Variants in CELF4 observed in about 807,000 individuals in gnomAD.
The protein encoded by CELF4 is CUG-BP- and ETR-3-like factor 4.
Under a neutral mutation model 59.9 loss-of-function variants are expected in CELF4, and 18 were observed. The ratio of observed to expected loss-of-function variants is 0.30; its 90% CI spans 0.21 to 0.45. The LOEUF is 0.45. Among genes scored for constraint, CELF4 ranks in the 20% least tolerant of loss-of-function variants. The probability of loss-of-function intolerance (pLI) is 1.00; values close to 1 mark genes in which losing one functional copy is unlikely to be tolerated. For missense variants in CELF4, 456 were observed against 689.0 expected (o/e 0.66, Z 3.79); for synonymous variants, 261 against 267.1 (o/e 0.98, Z 0.22).
chr18:37,401,970 C>T (rs1402188626), intron 2 of CELF4, among the ~76,000 whole-genome samples: 1 of 152,214 alleles, frequency 6.6e-6, no homozygotes, highest in Non-Finnish European at 1.5e-5. Flanking sequence ...GGTTATAGCC[C>T]ACTGTCTCCT....
rs200255192 is a variant in CELF4 at position 37,516,270 on chromosome 18, CT to C, written c.287-30664del. ...TAGGCATGTGCACACACCGTTTCCTCTGCTGGGAGGCTCCTCCTCCCGTCCA... is the reference window on the plus strand; with the variant it reads ...TAGGCATGTGCACACACCGTTTCCTCGCTGGGAGGCTCCTCCTCCCGTCCA... On this transcript the variant is annotated intron_variant, in intron 1 of 12. Coordinates refer to ENST00000420428, the MANE Select transcript of CELF4 (RefSeq NM_020180.4). 9.2e-5 allele frequency among the ~76,000 whole-genome samples: 14 copies of C among 152,288 alleles called. No individual in the cohort carries two copies. The East Asian group carries it at 2.7e-3, about 29-fold the overall frequency.
chr18:37,522,478 C>A (rs751079896), intron 1 of CELF4, among the ~76,000 whole-genome samples: 5 of 152,064 alleles, frequency 3.3e-5, no homozygotes, highest in Non-Finnish European at 7.4e-5. Context: ...TCCATTGAGA[C>A]CCTGCCAGGT....
intron 2 of CELF4, among the ~76,000 whole-genome samples, chr18:37,350,655 G>A (rs2098420183): frequency 6.6e-6 from 1 of 152,208 alleles, no homozygotes; most frequent in African/African-American, 2.4e-5. Flanking sequence ...TGGCTTTACT[G>A]ATCAGTGGAT....
At chr18:37,302,878 G>C (rs2096154914) in intron 3 of CELF4, among the ~76,000 whole-genome samples, 1 of 152,144 alleles carries the variant, frequency 6.6e-6, no homozygotes, top group Non-Finnish European at 1.5e-5. Context: ...CCTTCAGAGT[G>C]GTCAGGAGCA....
intron 2 of CELF4, among the ~76,000 whole-genome samples, chr18:37,413,247 T>G (rs2154592447): frequency 6.6e-6 from 1 of 152,374 alleles, no homozygotes; most frequent in Non-Finnish European, 1.5e-5. Flanking sequence ...TGTCTGCGTG[T>G]GTTCACGTGT....
intron 1 of CELF4, among the ~76,000 whole-genome samples, chr18:37,520,155 T>C (rs1042183176): frequency 1.3e-5 from 2 of 152,102 alleles, no homozygotes; most frequent in African/African-American, 2.4e-5. Flanking sequence ...GGCCCCTAAA[T>C]TGGCTGAGCC....
At chr18:37,431,293 C>G (rs1358487009) in intron 2 of CELF4, among the ~76,000 whole-genome samples, 4 of 151,732 alleles carry the variant, frequency 2.6e-5, no homozygotes, top group African/African-American at 9.7e-5. Flanking sequence ...TCTTCTTTTC[C>G]TGGTGGGCTT....
intron 2 of CELF4, among the ~76,000 whole-genome samples, chr18:37,390,910 C>T (rs2099154192): frequency 6.6e-6 from 1 of 151,988 alleles, no homozygotes; most frequent in Non-Finnish European, 1.5e-5. Flanking sequence ...CCTGACCCAG[C>T]CTGATCAATC....
At chr18:37,375,289 A>G (rs1271344538) in intron 2 of CELF4, among the ~76,000 whole-genome samples, 2 of 152,176 alleles carry the variant, frequency 1.3e-5, no homozygotes, top group East Asian at 3.9e-4. Context: ...GGCATTTACA[A>G]AAGTGCTCAG....
At chr18:37,553,800 G>A (rs555546674) in intron 1 of CELF4, among the ~76,000 whole-genome samples, 68 of 152,260 alleles carry the variant, frequency 4.5e-4, no homozygotes, top group Middle Eastern at 3.4e-3. Flanking sequence ...TAGGGTGCGG[G>A]AGAGGTTTGA....
At chr18:37,445,931 G>A (rs967529905) in intron 2 of CELF4, among the ~76,000 whole-genome samples, 5 of 152,148 alleles carry the variant, frequency 3.3e-5, no homozygotes, top group Admixed American at 3.3e-4. Flanking sequence ...CGCTATGCCA[G>A]GCCCCACGTG....
chr18:37,487,643 G>T (rs1419196149), intron 1 of CELF4, among the ~76,000 whole-genome samples: 1 of 152,144 alleles, frequency 6.6e-6, no homozygotes, highest in Non-Finnish European at 1.5e-5. Flanking sequence ...CCGTCCCCTT[G>T]TTGGCCTTGT....
intron 1 of CELF4, among the ~76,000 whole-genome samples, chr18:37,563,575 G>A (rs1352677218): frequency 6.6e-6 from 1 of 152,044 alleles, no homozygotes; most frequent in Non-Finnish European, 1.5e-5. Flanking sequence ...GAGAGGGAGG[G>A]GGGGAAAAAG....
chr18:37,299,874 G>A (rs904096305), intron 3 of CELF4, among the ~76,000 whole-genome samples: 38 of 151,578 alleles, frequency 2.5e-4, no homozygotes, highest in African/African-American at 9.0e-4. Context: ...TCTCTCCCAC[G>A]CTGAACAGAG....
At chr18:37,286,267 G>C (rs2094751780) in intron 3 of CELF4, among the ~76,000 whole-genome samples, 1 of 152,238 alleles carries the variant, frequency 6.6e-6, no homozygotes, top group African/African-American at 2.4e-5. Flanking sequence ...ACTTAGAGCT[G>C]TTTGTCTCTA....
intron 2 of CELF4, among the ~76,000 whole-genome samples, chr18:37,360,635 G>T (rs1465178438): frequency 6.6e-6 from 1 of 152,192 alleles, no homozygotes; most frequent in Non-Finnish European, 1.5e-5. Flanking sequence ...CTGTCTGGAG[G>T]CAGGCAGTCT....
intron 12 of CELF4, among the ~76,000 whole-genome samples, chr18:37,250,046 G>T (rs1470123299): frequency 1.3e-5 from 2 of 152,180 alleles, no homozygotes; most frequent in Admixed American, 6.5e-5. Context: ...CTGGCCTGCT[G>T]CTGGGGCCCA....
chr18:37,321,913 G>C (rs2097136597), intron 2 of CELF4, 32 bp from the exon 3 acceptor site: 1 of 1,583,074 alleles, frequency 6.3e-7, no homozygotes. Flanking sequence ...CAGCATTATA[G>C]CAGGCCTGCG....
At chr18:37,510,398 C>A (rs571985423) in intron 1 of CELF4, among the ~76,000 whole-genome samples, 25 of 152,350 alleles carry the variant, frequency 1.6e-4, no homozygotes, top group East Asian at 1.4e-3. Flanking sequence ...ATCCACTGTG[C>A]AGATTTGTCT....
Sources: allele counts gnomAD v4.1 joint callset (sites outside exome capture counted in the v4.1 genomes callset), GRCh38; gene constraint gnomAD v4.1.1; transcripts MANE v1.5; gene names NCBI Gene and HGNC (gene_info 2026-07-23, HGNC 2026-07-21).